OSBPL6: variants seen among roughly 807,000 people sequenced by gnomAD.
OSBPL6 encodes oxysterol-binding protein-related protein 6.
OSBPL6 carries 49 observed loss-of-function variants against 125.8 expected under a neutral mutation model. That is an observed-to-expected ratio of 0.39 (90% CI 0.31 to 0.49). OSBPL6 has a LOEUF of 0.49. Ranked by LOEUF, OSBPL6 falls within the 20% of genes least tolerant of loss-of-function variation. OSBPL6 has a pLI of 0.88. For synonymous variants in OSBPL6, 394 were observed against 391.8 expected (o/e 1.01, Z -0.07); for missense variants, 986 against 1,135.4 (o/e 0.87, Z 1.89).
At chr2:178,362,870 G>A (rs909640919) in intron 13 of OSBPL6, among the ~76,000 whole-genome samples, 9 of 152,146 alleles carry the variant, frequency 5.9e-5, no homozygotes, top group East Asian at 3.8e-4. Flanking sequence ...GAGCATGAGC[G>A]TGAAAATCCG....
At chr2:178,270,516 G>A (rs1388683960) in intron 1 of OSBPL6, among the ~76,000 whole-genome samples, 1 of 152,184 alleles carries the variant, frequency 6.6e-6, no homozygotes, top group African/African-American at 2.4e-5. Context: ...TTAGAGGGTG[G>A]AAGAGTAGGA....
At chr2:178,267,874 G>A (rs2092283027) in intron 1 of OSBPL6, among the ~76,000 whole-genome samples, 1 of 150,632 alleles carries the variant, frequency 6.6e-6, no homozygotes, top group Non-Finnish European at 1.5e-5. Context: ...ATTGCCAAAT[G>A]AATGACGCTA....
chr2:178,314,293 C>A (rs988704581), intron 3 of OSBPL6, among the ~76,000 whole-genome samples: 1 of 152,180 alleles, frequency 6.6e-6, no homozygotes, highest in Non-Finnish European at 1.5e-5. Flanking sequence ...TTACAATCAC[C>A]TCCAGTGTTA....
chr2:178,326,147 C>G (rs972995199), intron 4 of OSBPL6, among the ~76,000 whole-genome samples: 1 of 147,820 alleles, frequency 6.8e-6, no homozygotes, highest in Admixed American at 6.8e-5. Context: ...TTGTCCTGAT[C>G]AGGATTTGTT....
At chr2:178,235,684 G>A (rs2091028482) in intron 1 of OSBPL6, among the ~76,000 whole-genome samples, 2 of 152,030 alleles carry the variant, frequency 1.3e-5, no homozygotes, top group African/African-American at 2.4e-5. Flanking sequence ...GGGATTATAG[G>A]CGTGAGCCAC....
At chr2:178,228,573 A>G (rs1167092492) in intron 1 of OSBPL6, among the ~76,000 whole-genome samples, 6 of 152,206 alleles carry the variant, frequency 3.9e-5, no homozygotes, top group African/African-American at 1.2e-4. Context: ...ATATATCATA[A>G]TATTAAATTT....
intron 11 of OSBPL6, chr2:178,344,210 A>G: frequency 1.5e-6 from 2 of 1,301,908 alleles, no homozygotes; most frequent in East Asian, 4.7e-5. Context: ...TTGTCTGATT[A>G]TCTTTCATCC....
chr2:178,198,596 G>A (rs1359678015), intron 1 of OSBPL6, among the ~76,000 whole-genome samples: 1 of 138,836 alleles, frequency 7.2e-6, no homozygotes, highest in Non-Finnish European at 1.6e-5. Context: ...CTACAGTTTA[G>A]GTGACAGCGA....
chr2:178,265,323 CACCTT>C, intron 1 of OSBPL6, among the ~76,000 whole-genome samples: 1 of 146,918 alleles, frequency 6.8e-6, no homozygotes, highest in Middle Eastern at 3.6e-3. Flanking sequence ...GTGATCCTCC[CACCTT>C]AAGTTCCTAA....
rs756037518 is a variant in OSBPL6, at chr2:178,339,014, C to A, written c.814C>A (p.Leu272Ile). ...AGATCTTGCACATTGCCAGTCAAAC[C>A]TTGTGGAACTTAGCAAACTCCTGCA... Reference protein sequence around the residue: ...AEDLAHCQSNLVELSKLLQNL... With the variant: ...AEDLAHCQSNIVELSKLLQNL... The change falls in exon 10 of 25, where the codon CTT becomes ATT. Residue 272 changes from leucine to isoleucine, a missense_variant. Physicochemically the swap from Leu to Ile is conservative, Grantham distance 5. Coordinates refer to ENST00000190611, the MANE Select transcript of OSBPL6 (RefSeq NM_032523.4). 25 of 1,612,902 alleles carry A rather than the reference C, an allele frequency of 1.6e-5. No homozygotes were observed. Among genetic ancestry groups the A allele is most frequent in the Non-Finnish European group, 2.0e-5 (23 of 1,179,464 alleles).
At chr2:178,389,603 T>C (rs1434095) in intron 21 of OSBPL6, among the ~76,000 whole-genome samples, 129,463 of 152,216 alleles carry the variant, frequency 0.85, 55,279 homozygotes, top group South Asian at 0.9. Context: ...AGTCAGTACA[T>C]GCTTATCCAA....
At chr2:178,244,886 G>T (rs1336447315) in intron 1 of OSBPL6, among the ~76,000 whole-genome samples, 2 of 152,172 alleles carry the variant, frequency 1.3e-5, no homozygotes, top group African/African-American at 4.8e-5. Context: ...TTCTCCACAT[G>T]TGTTACTTTC....
chr2:178,240,146 A>G (rs1440230377), intron 1 of OSBPL6, among the ~76,000 whole-genome samples: 1 of 152,146 alleles, frequency 6.6e-6, no homozygotes, highest in Non-Finnish European at 1.5e-5. Flanking sequence ...GAGAATGGGG[A>G]GTTAATTTTT....
rs1254254068 is a variant in OSBPL6 at position 178,398,324 on chromosome 2, G to A, written c.*2765G>A. ...TCTAGGATAGAGGAGAACATAATATGCCTGTATACTTCTCCCATGGTTTAT... is the reference window on the plus strand; with the variant it reads ...TCTAGGATAGAGGAGAACATAATATACCTGTATACTTCTCCCATGGTTTAT... On this transcript the variant is annotated 3_prime_UTR_variant, in exon 25 of 25. Transcript: ENST00000190611. 6.6e-6 allele frequency: 1 copy of A among 152,124 alleles called. No individual in the cohort carries two copies. 9.4% of individuals were successfully genotyped at this position (152,124 alleles called of 1,614,324 possible).
chr2:178,244,852 T>G (rs2091433991), intron 1 of OSBPL6, among the ~76,000 whole-genome samples: 1 of 152,214 alleles, frequency 6.6e-6, no homozygotes, highest in Non-Finnish European at 1.5e-5. Context: ...AATAATTTCC[T>G]GCTTTGGTAA....
At chr2:178,333,091 T>C in intron 8 of OSBPL6, 50 bp downstream of exon 8, 1 of 1,602,100 alleles carries the variant, frequency 6.2e-7, no homozygotes, top group Non-Finnish European at 8.5e-7. Context: ...TAGAAAATTA[T>C]GCAAATTTTG....
chr2:178,361,760 A>G lies in OSBPL6; in HGVS notation c.1232A>G (p.Asp411Gly). 1 of 1,614,168 alleles carries G rather than the reference A, an allele frequency of 6.2e-7. No individual in the cohort carries two copies. Among genetic ancestry groups the G allele is most frequent in the Non-Finnish European group, 8.5e-7 (1 of 1,180,012 alleles). ...EKLKQMVSEQ[D>G]HSKGHSTQMA... ...CTGAAGCAGATGGTTTCCGAGCAGG[A>G]TCACAGTAAAGGCCACAGCACGCAG... The change falls in exon 13 of 25, where the codon GAT becomes GGT. Residue 411 changes from aspartate to glycine, a missense_variant. Around this residue, in one of 3 missense-constraint regions of OSBPL6, gnomAD observed 843 missense variants for 997.3 expected, o/e 0.85. Coordinates refer to ENST00000190611, the MANE Select transcript of OSBPL6 (RefSeq NM_032523.4).
intron 2 of OSBPL6, among the ~76,000 whole-genome samples, chr2:178,288,836 C>T (rs995719021): frequency 2.6e-5 from 4 of 151,264 alleles, no homozygotes; most frequent in Admixed American, 1.3e-4. Context: ...TTTCAGTAGA[C>T]ACGGGGTTTC....
Position 178,383,166 on chromosome 2 carries a change from G to T in OSBPL6, c.1764G>T (p.Met588Ile), listed in dbSNP as rs367576951. The change falls in exon 17 of 25, where the codon ATG (methionine) becomes ATT (isoleucine). Residue 588 changes from methionine to isoleucine, a missense_variant. Physicochemically the swap from Met to Ile is conservative, Grantham distance 10 (BLOSUM62 1). Coordinates refer to ENST00000190611, the MANE Select transcript of OSBPL6 (RefSeq NM_032523.4). ...NIGKDLSKVS[M>I]PVELNEPLNT... ...GTAAAGACCTGTCTAAAGTCTCTATGCCTGTGGAGCTAAACGAGCCGCTCA... is the reference window on the plus strand; with the variant it reads ...GTAAAGACCTGTCTAAAGTCTCTATTCCTGTGGAGCTAAACGAGCCGCTCA... 1 of 1,614,178 alleles carries T rather than the reference G, an allele frequency of 6.2e-7. No individual in the cohort carries two copies. The highest frequency in any genetic ancestry group is 8.5e-7 in the Non-Finnish European group (1 of 1,180,044).
Sources: allele counts gnomAD v4.1 joint callset (sites outside exome capture counted in the v4.1 genomes callset), GRCh38; gene constraint gnomAD v4.1.1; regional missense constraint gnomAD v4.1.1; transcripts MANE v1.5; gene names NCBI Gene and HGNC (gene_info 2026-07-23, HGNC 2026-07-21).